The following RAD51B variants were observed in gnomAD, a reference collection of about 807,000 sequenced individuals.
RAD51B encodes the protein DNA repair protein RAD51 homolog 2.
A neutral mutation model predicts 42.2 loss-of-function variants in RAD51B; 38 were observed. That is an observed-to-expected ratio of 0.90 (90% CI 0.70 to 1.18). The LOEUF (loss-of-function observed/expected upper bound fraction) is 1.18. RAD51B is among the 50% of genes most tolerant of loss of function. The pLI is 0.00. For synonymous variants in RAD51B, 154 were observed against 145.2 expected (o/e 1.06, Z -0.43); for missense variants, 373 against 400.7 (o/e 0.93, Z 0.59).
chr14:67,831,610 C>T (rs1193511188), intron 3 of RAD51B, among the ~76,000 whole-genome samples: 1 of 152,144 alleles, frequency 6.6e-6, no homozygotes, highest in South Asian at 2.1e-4. Flanking sequence ...GATCTTGGCT[C>T]ACCGCAACCT....
At chr14:68,481,829 G>C (rs1476563829), downstream of RAD51B, among the ~76,000 whole-genome samples, 1 of 152,104 alleles carries the variant, frequency 6.6e-6, no homozygotes, top group Admixed American at 6.5e-5. Context: ...ACACACAATA[G>C]TAAAGAACTC....
chr14:67,958,339 TGGA>T (rs2074592618), intron 7 of RAD51B, among the ~76,000 whole-genome samples: 1 of 152,218 alleles, frequency 6.6e-6, no homozygotes. Context: ...AACTCAGAAG[TGGA>T]GTTTACTTTT....
At chr14:68,002,114 A>T (rs2075496329) in intron 7 of RAD51B, among the ~76,000 whole-genome samples, 1 of 152,162 alleles carries the variant, frequency 6.6e-6, no homozygotes, top group Non-Finnish European at 1.5e-5. Flanking sequence ...TCTTTGAGGA[A>T]TCGCCATACT....
chr14:68,504,051 C>T (rs1000656545), intron 10 of RAD51B, among the ~76,000 whole-genome samples: 16 of 152,290 alleles, frequency 1.1e-4, no homozygotes, highest in African/African-American at 2.9e-4. Flanking sequence ...TTCATCCCTA[C>T]GGCCCCTTCT....
chr14:67,901,003 G>A (rs1267156484), intron 7 of RAD51B, among the ~76,000 whole-genome samples: 1 of 152,164 alleles, frequency 6.6e-6, no homozygotes, highest in Admixed American at 6.5e-5. Context: ...CCACTGGAGA[G>A]TAAATAGAGT....
intron 10 of RAD51B, among the ~76,000 whole-genome samples, chr14:68,548,853 T>C (rs1888370089): frequency 6.6e-6 from 1 of 152,156 alleles, no homozygotes; most frequent in Non-Finnish European, 1.5e-5. Context: ...TCTCTCCCTT[T>C]TCTGTTCTCC....
chr14:68,623,126 C>G (rs1276648122), intron 10 of RAD51B, among the ~76,000 whole-genome samples: 5 of 152,112 alleles, frequency 3.3e-5, no homozygotes, highest in Non-Finnish European at 7.4e-5. Context: ...GGAAATTCCC[C>G]TAAAGCATTC....
intron 7 of RAD51B, among the ~76,000 whole-genome samples, chr14:68,024,382 G>A (rs149199549): frequency 1.3e-5 from 2 of 152,254 alleles, no homozygotes; most frequent in East Asian, 3.9e-4. Context: ...AATGACATTG[G>A]TAGTTTGATA....
intron 10 of RAD51B, chr14:68,563,465 G>C: frequency 1.0e-6 from 1 of 985,466 alleles, no homozygotes; most frequent in Non-Finnish European, 1.2e-6. Flanking sequence ...GAGTACACAT[G>C]TTGTGAAAAT....
At chr14:68,635,629 A>C (rs1190764497) in intron 10 of RAD51B, among the ~76,000 whole-genome samples, 1 of 152,190 alleles carries the variant, frequency 6.6e-6, no homozygotes. Context: ...TACCAATATA[A>C]AAATTATTTG....
chr14:68,227,787 A>G (rs2080068799), intron 7 of RAD51B, among the ~76,000 whole-genome samples: 1 of 152,186 alleles, frequency 6.6e-6, no homozygotes, highest in African/African-American at 2.4e-5. Context: ...GCTCTAATGT[A>G]TAATTGGAGG....
At chr14:68,458,063 G>A (rs1263918858) in intron 9 of RAD51B, among the ~76,000 whole-genome samples, 3 of 151,860 alleles carry the variant, frequency 2.0e-5, no homozygotes, top group Non-Finnish European at 4.4e-5. Flanking sequence ...ACTGATGTTT[G>A]CAATTTACTT....
intron 8 of RAD51B, among the ~76,000 whole-genome samples, chr14:68,304,379 A>G (rs1025789840): frequency 3.9e-5 from 6 of 152,230 alleles, no homozygotes; most frequent in Non-Finnish European, 7.3e-5. Flanking sequence ...TGATGATCGC[A>G]TAACTAGTAA....
At chr14:67,878,882 T>C (rs1379283690) in intron 5 of RAD51B, among the ~76,000 whole-genome samples, 1 of 152,148 alleles carries the variant, frequency 6.6e-6, no homozygotes, top group Non-Finnish European at 1.5e-5. Flanking sequence ...TGGCTAATTT[T>C]TGAATTTTTA....
intron 7 of RAD51B, among the ~76,000 whole-genome samples, chr14:68,039,373 A>C (rs1050732990): frequency 6.8e-6 from 1 of 148,104 alleles, no homozygotes; most frequent in African/African-American, 2.5e-5. Context: ...GGTTGCTGTG[A>C]GCCATTATGG....
chr14:68,354,215 G>GTTTTTTTTTTTTTTTTT (rs1566828163), intron 8 of RAD51B, among the ~76,000 whole-genome samples: 1 of 103,408 alleles, frequency 9.7e-6, no homozygotes, highest in Non-Finnish European at 1.8e-5. Context: ...TTGGTTTTTT[G>GTTTTTTTTTTTTTTTTT]GTTTTTTTTT....
At chr14:68,547,751 AG>A (rs1485296543) in intron 10 of RAD51B, among the ~76,000 whole-genome samples, 1 of 152,204 alleles carries the variant, frequency 6.6e-6, no homozygotes, top group Non-Finnish European at 1.5e-5. Context: ...GAGAACAGCC[AG>A]GCTTGGACAA....
At chr14:68,043,233 A>G (rs189444801) in intron 7 of RAD51B, among the ~76,000 whole-genome samples, 65 of 152,338 alleles carry the variant, frequency 4.3e-4, no homozygotes, top group African/African-American at 1.5e-3. Context: ...AAACCTGAAG[A>G]CATTCTCAAA....
intron 11 of RAD51B, among the ~76,000 whole-genome samples, chr14:68,657,338 C>A (rs777415348): frequency 6.6e-6 from 1 of 152,122 alleles, no homozygotes; most frequent in South Asian, 2.1e-4. Context: ...ACTCAGTTTC[C>A]CCGTCATTTA....
Sources: allele counts gnomAD v4.1 joint callset (sites outside exome capture counted in the v4.1 genomes callset), GRCh38; gene constraint gnomAD v4.1.1; transcripts MANE v1.5; gene names NCBI Gene and HGNC (gene_info 2026-07-23, HGNC 2026-07-21).